The following CDH16 variants were observed in gnomAD, a reference collection of about 807,000 sequenced individuals.
CDH16 encodes the protein cadherin-16.
CDH16 carries 79 observed loss-of-function variants against 87.6 expected under a neutral mutation model. The observed-to-expected ratio is 0.90, with a 90% CI of 0.75 to 1.09. The LOEUF (loss-of-function observed/expected upper bound fraction) is 1.09. Among genes scored for constraint, CDH16 ranks in the 50% least tolerant of loss-of-function variants. The pLI, the probability that CDH16 is intolerant of heterozygous loss-of-function variation, is 0.00. For synonymous variants in CDH16, 457 were observed against 439.5 expected (o/e 1.04, Z -0.50); for missense variants, 1,124 against 1,071.7 (o/e 1.05, Z -0.68).
At chr16:66,913,327 C>G in intron 8 of CDH16, 46 bp from the exon 9 acceptor site, 3 of 1,548,742 alleles carry the variant, frequency 1.9e-6, no homozygotes, top group Non-Finnish European at 2.6e-6. Context: ...AAGGGCAGCT[C>G]CAGCCTTGCC....
chr16:66,915,076 T>G, intron 6 of CDH16, 144 bp downstream of exon 6: 1 of 754,700 alleles, frequency 1.3e-6, no homozygotes. Flanking sequence ...CACAGCCCCC[T>G]GCCTTGTTGC....
chr16:66,916,526 G>A lies in CDH16; in HGVS notation c.130-97C>T. On this transcript the variant is annotated intron_variant, in intron 3 of 17. Coordinates refer to ENST00000299752, the MANE Select transcript of CDH16 (RefSeq NM_004062.4). This position sits in a 1 kb window ranked among gnomAD's most constrained non-coding sequence, Gnocchi z 4.1. Reference sequence around the variant, plus strand: ...CTCATTTTACATGTGGGGAAACTGAGTCTCAGAGACATCTGGCTCCTGTCA... The same window carrying A: ...CTCATTTTACATGTGGGGAAACTGAATCTCAGAGACATCTGGCTCCTGTCA... 5 of 1,366,220 alleles carry A rather than the reference G, an allele frequency of 3.7e-6. No individual in the cohort carries two copies. In the Admixed American group the frequency reaches 1.0e-4, roughly 28 times the overall value. 84.6% of individuals were successfully genotyped at this position (1,366,220 alleles called of 1,614,324 possible). A position where few individuals can be genotyped will look rare whatever the true frequency, so the allele number is the denominator to read the frequency against.
chr16:66,918,360 C>G (rs532029215), intron 1 of CDH16, among the ~76,000 whole-genome samples: 1 of 152,350 alleles, frequency 6.6e-6, no homozygotes, highest in East Asian at 1.9e-4. Flanking sequence ...CCTCCCCAGG[C>G]CGCAGATCCC....
intron 5 of CDH16, 80 bp from the exon 6 acceptor site, chr16:66,915,458 G>A: frequency 6.9e-7 from 1 of 1,459,376 alleles, no homozygotes; most frequent in Non-Finnish European, 9.3e-7. Flanking sequence ...TTTCTCCTCT[G>A]TCCTTTCTTC....
rs377093351 is a variant in CDH16 at position 66,912,837 on chromosome 16, T to A, written c.1109A>T (p.Asn370Ile). 1 of 1,613,426 alleles carries A rather than the reference T, an allele frequency of 6.2e-7. No homozygotes were observed. Among genetic ancestry groups the A allele is most frequent in the Non-Finnish European group, 8.5e-7 (1 of 1,180,012 alleles). Reference sequence around the variant, plus strand: ...CAGGAGCTGATACACAACGTGGGAATTGGGGGAGCCGGGGGCATCTGCATC... The same window carrying A: ...CAGGAGCTGATACACAACGTGGGAAATGGGGGAGCCGGGGGCATCTGCATC... ...AEDADAPGSPNSHVVYQLLSP... is the reference protein window; with the variant it reads ...AEDADAPGSPISHVVYQLLSP... Residue 370 changes from asparagine (N) to isoleucine (I), a missense_variant, in exon 10 of 18, where the codon AAT becomes ATT. Physicochemically the swap from Asn to Ile is moderately radical, Grantham distance 149. Coordinates refer to ENST00000299752, the MANE Select transcript of CDH16 (RefSeq NM_004062.4).
Position 66,917,716 on chromosome 16 carries a change from T to G in CDH16, c.55A>C (p.Lys19Gln), listed in dbSNP as rs45583640. 3.2e-3 allele frequency: 5,168 copies of G among 1,611,382 alleles called. 11 individuals carry two copies. The highest frequency in any genetic ancestry group is 4.1e-3 in the Non-Finnish European group (4,880 of 1,178,706). ...ACAGACAGCTCTGCAGGCTGGGCCT[T>G]GGGGAGAGCCTGTGGGAGGATTCTC... is the stretch of plus-strand genomic sequence containing the variant. Reference protein sequence around the residue: ...LCVSVPQALPKAQPAELSVEV... With the variant: ...LCVSVPQALPQAQPAELSVEV... Residue 19 changes from lysine to glutamine, a missense_variant, in exon 3 of 18, where the codon AAG (lysine) becomes CAG (glutamine). Lys to Gln is a moderately conservative substitution (Grantham distance 53). Transcript: ENST00000299752.
chr16:66,910,157 C>A (rs959555273), intron 15 of CDH16, 64 bp from the exon 16 acceptor site: 1 of 1,564,378 alleles, frequency 6.4e-7, no homozygotes, highest in African/African-American at 1.4e-5. Context: ...GGGCTGCTCC[C>A]CCTAGGCCTA....
At position 66,913,490 on chromosome 16, in the gene CDH16, C is replaced by T. The variant is rs1178580992; in HGVS notation, c.903+1G>A. 2 of 1,614,162 alleles carry T rather than the reference C, an allele frequency of 1.2e-6. No homozygotes were observed. The highest frequency in any genetic ancestry group is 1.7e-5 in the Admixed American group (1 of 60,020). ...CATCCCTGGCTCCCCCTTCATATCA[C>T]CTCAGCCTGGGCTTCTCTGTCCAGC... On this transcript the variant is annotated splice_donor_variant, in intron 8 of 17. Coordinates refer to ENST00000299752, the MANE Select transcript of CDH16 (RefSeq NM_004062.4). LOFTEE classifies it high-confidence loss of function.
At chr16:66,911,123 G>C (rs977618721) in intron 14 of CDH16, 59 bp downstream of exon 14, 48 of 1,534,806 alleles carry the variant, frequency 3.1e-5, no homozygotes, top group Non-Finnish European at 4.1e-5. Context: ...CAGTCCTGCT[G>C]TCTGTCTGTC....
chr16:66,914,962 A>G (rs1264388702), intron 6 of CDH16, among the ~76,000 whole-genome samples: 1 of 152,082 alleles, frequency 6.6e-6, no homozygotes, highest in Non-Finnish European at 1.5e-5. Context: ...ACAACCCCTT[A>G]GACTGTTCCT....
In CDH16 at chr16:66,910,747, G is replaced by A. The variant is rs868313179; in HGVS notation, c.1925-245C>T. 6 of 423,054 alleles carry A rather than the reference G, an allele frequency of 1.4e-5. 1 individual carries two copies. Among genetic ancestry groups the A allele is most frequent in the South Asian group, 1.4e-4 (2 of 14,040 alleles). 26.2% of individuals were successfully genotyped at this position (423,054 alleles called of 1,614,324 possible). ...AGCTCAGAGTTGAAACCTGCCTCCC[G>A]GGGCTCCCCACCCCAGGGCCAGCTC... On this transcript the variant is annotated intron_variant, in intron 14 of 17. Coordinates refer to ENST00000299752, the MANE Select transcript of CDH16 (RefSeq NM_004062.4).
At chr16:66,915,753 G>T (rs537484836) in intron 5 of CDH16, among the ~76,000 whole-genome samples, 97 of 152,250 alleles carry the variant, frequency 6.4e-4, no homozygotes, top group African/African-American at 2.2e-3. Context: ...AAAATTAGCC[G>T]GGCATGGTGG....
intron 8 of CDH16, 81 bp downstream of exon 8, chr16:66,913,410 G>C: frequency 6.3e-7 from 1 of 1,599,676 alleles, no homozygotes. Flanking sequence ...AGCCTCTGTT[G>C]TAGTTGTGAC....
At chr16:66,915,946 G>A in intron 5 of CDH16, 119 bp downstream of exon 5, 1 of 1,125,706 alleles carries the variant, frequency 8.9e-7, no homozygotes, top group Non-Finnish European at 1.3e-6. Context: ...AAAGAAAAAA[G>A]AAATGGGACA....
intron 8 of CDH16, 63 bp downstream of exon 8, chr16:66,913,428 A>C: frequency 6.2e-7 from 1 of 1,607,772 alleles, no homozygotes. Flanking sequence ...GACACCCCCA[A>C]AAGCCAACTG....
chr16:66,918,154 G>T, intron 1 of CDH16, 76 bp from the exon 2 acceptor site: 3 of 1,001,166 alleles, frequency 3.0e-6, no homozygotes, highest in South Asian at 1.8e-5. Context: ...CAACTAGTGG[G>T]ATCGTACTGC....
rs748700773 is a variant in CDH16 at position 66,915,345 on chromosome 16, C to T, written c.458G>A (p.Arg153Gln). ...CGAGTTGGCTGTGCCTGGCTCATCC[C>T]GGTCTGAAGCCTCAAGGAAGAGGAA... is the stretch of plus-strand genomic sequence containing the variant. Reference protein sequence around the residue: ...IPFLFLEASDRDEPGTANSDL... With the variant: ...IPFLFLEASDQDEPGTANSDL... Residue 153 changes from arginine (R) to glutamine (Q), a missense_variant, in exon 6 of 18, where the codon CGG becomes CAG. Coordinates refer to ENST00000299752, the MANE Select transcript of CDH16 (RefSeq NM_004062.4). The T allele has an allele frequency of 1.9e-5, 30 of 1,613,834 alleles. No homozygotes were observed. The highest frequency in any genetic ancestry group is 4.5e-5 in the East Asian group (2 of 44,848).
chr16:66,910,761 C>T, intron 14 of CDH16: 1 of 410,528 alleles, frequency 2.4e-6, no homozygotes, highest in Non-Finnish European at 4.3e-6. Context: ...CTCCCCACCC[C>T]AGGGCCAGCT....
In CDH16 at chr16:66,910,486, G is replaced by A. The variant is rs528580869; in HGVS notation, c.1941C>T (p.Ser647=). 5.9e-5 allele frequency: 90 copies of A among 1,537,870 alleles called. No individual in the cohort carries two copies. The highest frequency in any genetic ancestry group is 5.8e-5 in the Admixed American group (3 of 52,094). ...AGTGGATCACCAGGGGTGCAGAAGC[G>A]CTCAGTCTCGGCTCATCTGCAGAGG... ...EAQDTDEPRL[S]ASAPLVIHFL... is the part of the protein sequence containing the mutation. The change falls in exon 15 of 18, where the codon AGC becomes AGT. Residue 647 remains serine (S), a synonymous_variant. Transcript: ENST00000299752.
Sources: gnomAD v4.1 joint callset for allele counts (sites outside exome capture counted in the v4.1 genomes callset) on GRCh38, gnomAD v4.1.1 for gene constraint, Gnocchi (gnomAD v3.1) non-coding constraint, MANE v1.5 for transcripts, NCBI Gene and HGNC (gene_info 2026-07-23, HGNC 2026-07-21) for gene names.